Variants in SORCS3 observed in about 807,000 individuals in gnomAD.
The protein encoded by SORCS3 is VPS10 domain-containing receptor SorCS3.
In SORCS3, 57 loss-of-function variants were observed where a neutral mutation model predicts 146.3. The ratio of observed to expected loss-of-function variants is 0.39; its 90% CI spans 0.31 to 0.49. The LOEUF (loss-of-function observed/expected upper bound fraction) is 0.49, where lower values mean the gene tolerates loss of function less well. Among genes scored for constraint, SORCS3 ranks in the 20% least tolerant of loss-of-function variants. SORCS3 has a pLI of 0.92. For synonymous variants in SORCS3, 653 were observed against 618.5 expected, an observed-to-expected ratio of 1.06 and a Z score of -0.83; for missense variants, 1,341 against 1,575.5, an observed-to-expected ratio of 0.85 and a Z score of 2.52.
rs537928123 is a variant in SORCS3, at chr10:104,882,005, AG to A, written c.696-33825del. On this transcript the variant is annotated intron_variant, in intron 2 of 26. Transcript: ENST00000369701. ...ACTGGGAAAATGCAAATCCCCAAATAGGGTATGAAGCTAGAGGTGATGAGCT... is the reference window on the plus strand; with the variant it reads ...ACTGGGAAAATGCAAATCCCCAAATAGGTATGAAGCTAGAGGTGATGAGCT... Among the ~76,000 whole-genome samples the A allele has an allele frequency of 3.1e-4, 47 of 152,292 alleles. 1 individual carries two copies. In the South Asian group the frequency reaches 5.0e-3, roughly 16 times the overall value.
At chr10:104,806,890 G>T (rs2017684476) in intron 1 of SORCS3, among the ~76,000 whole-genome samples, 1 of 152,138 alleles carries the variant, frequency 6.6e-6, no homozygotes. Flanking sequence ...ACATGGAAGA[G>T]AACTAAGGGG....
chr10:104,647,421 C>T (rs1388483980), intron 1 of SORCS3, among the ~76,000 whole-genome samples: 1 of 152,152 alleles, frequency 6.6e-6, no homozygotes, highest in African/African-American at 2.4e-5. Context: ...TTCTCTTTTC[C>T]CCTACTTGTT....
intron 5 of SORCS3, among the ~76,000 whole-genome samples, chr10:105,077,375 C>T (rs998844): frequency 0.13 from 19,221 of 152,094 alleles, 1,615 homozygotes; most frequent in Middle Eastern, 0.18. Flanking sequence ...CTAATCTAGG[C>T]AGTGAACTTT....
At chr10:104,695,422 A>C (rs993405401) in intron 1 of SORCS3, among the ~76,000 whole-genome samples, 6 of 151,736 alleles carry the variant, frequency 4.0e-5, no homozygotes, top group African/African-American at 1.5e-4. Context: ...AAGAGGATCT[A>C]GTATACCATT....
At position 104,965,930 on chromosome 10, in the gene SORCS3, G is replaced by A. The variant is rs2054824061; in HGVS notation, c.796-11405G>A. ...GTGGGGAGTCTAATTTTGGCAAAGA[G>A]AATGGCATGCATTGTGGCCATAGGT... is the stretch of plus-strand genomic sequence containing the variant. On this transcript the variant is annotated intron_variant, in intron 3 of 26. Coordinates refer to ENST00000369701, the MANE Select transcript of SORCS3 (RefSeq NM_014978.3). 3.3e-5 allele frequency among the ~76,000 whole-genome samples: 5 copies of A among 152,050 alleles called. No homozygotes were observed. In the South Asian group the frequency reaches 1.0e-3, roughly 32 times the overall value.
At chr10:105,255,929 A>C in intron 24 of SORCS3, 128 bp downstream of exon 24, 2 of 689,672 alleles carry the variant, frequency 2.9e-6, no homozygotes, top group South Asian at 4.0e-5. Context: ...TCCTTTTTGT[A>C]GTTATGGTTC....
intron 7 of SORCS3, among the ~76,000 whole-genome samples, chr10:105,121,097 G>C (rs924133413): frequency 1.3e-5 from 2 of 152,156 alleles, no homozygotes; most frequent in African/African-American, 4.8e-5. Context: ...AGTGAGATCA[G>C]CTATACACTC....
At chr10:105,027,630 A>G (rs1036781631) in intron 4 of SORCS3, among the ~76,000 whole-genome samples, 4 of 152,152 alleles carry the variant, frequency 2.6e-5, no homozygotes, top group African/African-American at 9.7e-5. Context: ...GAGCCACATG[A>G]TGGGCACATA....
intron 14 of SORCS3, among the ~76,000 whole-genome samples, chr10:105,189,482 T>C (rs1370576654): frequency 1.3e-5 from 2 of 152,178 alleles, no homozygotes; most frequent in Non-Finnish European, 2.9e-5. Flanking sequence ...CAGAGCACCC[T>C]TTAGGCGCAG....
intron 1 of SORCS3, among the ~76,000 whole-genome samples, chr10:104,663,081 G>A (rs1271345591): frequency 6.6e-6 from 1 of 152,114 alleles, no homozygotes; most frequent in East Asian, 1.9e-4. Context: ...GGGAGCTGCC[G>A]GCTGCCTTCC....
intron 5 of SORCS3, among the ~76,000 whole-genome samples, 184 bp from the exon 6 acceptor site, chr10:105,089,591 C>G (rs942503058): frequency 6.6e-6 from 1 of 152,236 alleles, no homozygotes; most frequent in South Asian, 2.1e-4. Context: ...TTACAGATGA[C>G]AGTTCCTTGG....
chr10:104,698,520 T>C (rs1402828436), intron 1 of SORCS3, among the ~76,000 whole-genome samples: 2 of 152,192 alleles, frequency 1.3e-5, no homozygotes, highest in Non-Finnish European at 2.9e-5. Context: ...TTTCAACCTG[T>C]TGCTGACCAT....
At chr10:104,804,109 A>G (rs906292078) in intron 1 of SORCS3, among the ~76,000 whole-genome samples, 3 of 152,146 alleles carry the variant, frequency 2.0e-5, no homozygotes, top group African/African-American at 7.2e-5. Flanking sequence ...ATACCTTGAA[A>G]TTTCTTAGGG....
intron 7 of SORCS3, among the ~76,000 whole-genome samples, chr10:105,114,925 A>ATGTATAAACAT (rs2055883306): frequency 6.6e-6 from 1 of 152,172 alleles, no homozygotes; most frequent in South Asian, 2.1e-4. Context: ...TGTTAGTTTT[A>ATGTATAAACAT]AGAGTTCTAT....
intron 13 of SORCS3, among the ~76,000 whole-genome samples, chr10:105,177,199 C>G (rs73352805): frequency 0.052 from 7,860 of 151,858 alleles, 579 homozygotes; most frequent in African/African-American, 0.16. Context: ...AATTTTAATC[C>G]TAAATTATGG....
At position 104,656,705 on chromosome 10, in the gene SORCS3, C is replaced by A. The variant is rs149517489; in HGVS notation, c.627+14751C>A. Among the ~76,000 whole-genome samples the A allele has an allele frequency of 7.2e-4, 110 of 151,884 alleles. 1 individual carries two copies. In the East Asian group the frequency reaches 0.017, roughly 24 times the overall value. On this transcript the variant is annotated intron_variant, in intron 1 of 26. Coordinates refer to ENST00000369701, the MANE Select transcript of SORCS3 (RefSeq NM_014978.3). ...AAAGAAAAAAAGTAAAGAGGTGAGC[C>A]ATGAAAAGGTTTATAGTAGGAGAGT...
At chr10:104,734,370 A>C (rs757033923) in intron 1 of SORCS3, among the ~76,000 whole-genome samples, 4 of 152,246 alleles carry the variant, frequency 2.6e-5, no homozygotes, top group Non-Finnish European at 5.9e-5. Context: ...GAAGAGAGCA[A>C]AGGGCAGAGA....
chr10:104,991,220 G>A (rs1393669100), intron 4 of SORCS3, among the ~76,000 whole-genome samples: 2 of 152,144 alleles, frequency 1.3e-5, no homozygotes, highest in Non-Finnish European at 1.5e-5. Flanking sequence ...TATTGTAGCA[G>A]TTTGTTTGGG....
At chr10:105,170,617 G>A (rs1327783204) in intron 13 of SORCS3, among the ~76,000 whole-genome samples, 25 of 152,294 alleles carry the variant, frequency 1.6e-4, no homozygotes, top group Non-Finnish European at 2.9e-5. Context: ...TCTTGAACAT[G>A]ACAGAGACCA....
Sources: gnomAD v4.1 joint callset for allele counts (sites outside exome capture counted in the v4.1 genomes callset) on GRCh38, gnomAD v4.1.1 for gene constraint, MANE v1.5 for transcripts, NCBI Gene and HGNC (gene_info 2026-07-23, HGNC 2026-07-21) for gene names.